The following IQCM variants were observed in gnomAD, a reference collection of about 807,000 sequenced individuals.
IQCM encodes the protein IQ domain-containing protein M.
IQCM carries 45 observed loss-of-function variants against 57.6 expected under a neutral mutation model. That is an observed-to-expected ratio of 0.78 (90% CI 0.62 to 1.00). The LOEUF is 1.00. Ranked by LOEUF, IQCM falls within the 50% of genes least tolerant of loss-of-function variation. The probability of loss-of-function intolerance (pLI) is 0.00; values close to 1 mark genes in which losing one functional copy is unlikely to be tolerated. For synonymous variants in IQCM, 148 were observed against 158.9 expected (o/e 0.93, Z 0.51); for missense variants, 468 against 511.6 (o/e 0.91, Z 0.82).
chr4:149,441,933 C>T (rs181477388), intron 12 of IQCM, among the ~76,000 whole-genome samples: 1 of 152,198 alleles, frequency 6.6e-6, no homozygotes, highest in East Asian at 1.9e-4. Flanking sequence ...TGTGCCTTTG[C>T]ACTTCTACCT....
intron 2 of IQCM, among the ~76,000 whole-genome samples, chr4:149,777,093 A>G (rs1771161241): frequency 6.6e-6 from 1 of 152,154 alleles, no homozygotes; most frequent in Admixed American, 6.5e-5. Context: ...AAATTTCTCC[A>G]AATTCCAAAG....
chr4:149,491,431 C>A (rs1742083264), intron 12 of IQCM, among the ~76,000 whole-genome samples: 1 of 152,026 alleles, frequency 6.6e-6, no homozygotes, highest in Admixed American at 6.6e-5. Context: ...CAACCCTCAG[C>A]CCCTGGTAAA....
At chr4:149,395,645 A>G (rs1418931917) in intron 13 of IQCM, among the ~76,000 whole-genome samples, 1 of 152,034 alleles carries the variant, frequency 6.6e-6, no homozygotes, top group African/African-American at 2.4e-5. Context: ...TGCCAAAGAA[A>G]AAGAATGAAT....
intron 12 of IQCM, among the ~76,000 whole-genome samples, chr4:149,485,917 A>T (rs147093062): frequency 2.0e-5 from 3 of 152,046 alleles, no homozygotes; most frequent in Non-Finnish European, 4.4e-5. Context: ...TACTCATAGA[A>T]GTATCACCTT....
At chr4:149,381,688 T>C (rs569704844) in intron 13 of IQCM, among the ~76,000 whole-genome samples, 3 of 152,170 alleles carry the variant, frequency 2.0e-5, no homozygotes, top group African/African-American at 7.2e-5. Context: ...ACCCCTAGGA[T>C]GCCCTATCCC....
chr4:149,381,672 T>C (rs1291666654), intron 13 of IQCM, among the ~76,000 whole-genome samples: 1 of 152,116 alleles, frequency 6.6e-6, no homozygotes, highest in Non-Finnish European at 1.5e-5. Context: ...AACTAAAGTA[T>C]CACCTACCCC....
intron 12 of IQCM, among the ~76,000 whole-genome samples, chr4:149,486,041 C>A (rs888498944): frequency 7.3e-5 from 11 of 151,260 alleles, no homozygotes; most frequent in Non-Finnish European, 7.4e-5. Context: ...CTCTCTCTCT[C>A]TCTCTCTCTC....
intron 12 of IQCM, among the ~76,000 whole-genome samples, chr4:149,481,316 A>C (rs1002342997): frequency 6.6e-6 from 1 of 152,092 alleles, no homozygotes; most frequent in African/African-American, 2.4e-5. Context: ...GTATTACTCA[A>C]TAACTTTTTG....
At chr4:149,436,023 C>T (rs1252145152) in intron 12 of IQCM, among the ~76,000 whole-genome samples, 1 of 151,978 alleles carries the variant, frequency 6.6e-6, no homozygotes, top group African/African-American at 2.4e-5. Flanking sequence ...GTTAGTGTCG[C>T]CTAAGTGTTC....
chr4:149,541,012 C>T (rs996493906), intron 12 of IQCM, among the ~76,000 whole-genome samples: 3 of 152,044 alleles, frequency 2.0e-5, no homozygotes, highest in Non-Finnish European at 4.4e-5. Context: ...ATCTAAAGTC[C>T]TCTATTTTTA....
At chr4:149,591,536 T>C (rs548666492) in intron 8 of IQCM, among the ~76,000 whole-genome samples, 1 of 152,156 alleles carries the variant, frequency 6.6e-6, no homozygotes, top group South Asian at 2.1e-4. Flanking sequence ...TGTGCCATAA[T>C]GGTGTGCTGC....
At chr4:149,764,183 C>T (rs1396597413) in intron 2 of IQCM, among the ~76,000 whole-genome samples, 1 of 152,072 alleles carries the variant, frequency 6.6e-6, no homozygotes, top group Non-Finnish European at 1.5e-5. Flanking sequence ...GTCCGTCTAA[C>T]CTTGTCTTAT....
At position 149,684,251 on chromosome 4, in the gene IQCM, T is replaced by C. The variant is rs143751879; in HGVS notation, c.477-2045A>G. Among the ~76,000 whole-genome samples the C allele has an allele frequency of 3.3e-5, 5 of 151,434 alleles. No homozygotes were observed. In the East Asian group the frequency reaches 5.8e-4, roughly 18 times the overall value. On this transcript the variant is annotated intron_variant, in intron 6 of 13. Coordinates refer to ENST00000636793, the MANE Select transcript of IQCM (RefSeq NM_001363507.2). Reference sequence around the variant, plus strand: ...AACTTATATTGAAATTGTAACAGTATTCAATTGTGTTTTCCCACCACAGGT... The same window carrying C: ...AACTTATATTGAAATTGTAACAGTACTCAATTGTGTTTTCCCACCACAGGT...
intron 5 of IQCM, among the ~76,000 whole-genome samples, chr4:149,712,372 C>G (rs1028378078): frequency 1.3e-5 from 2 of 150,494 alleles, no homozygotes; most frequent in African/African-American, 5.0e-5. Flanking sequence ...ACACACACAA[C>G]ACACATACAC....
chr4:149,711,989 A>C (rs899270879), intron 5 of IQCM, among the ~76,000 whole-genome samples: 2 of 152,176 alleles, frequency 1.3e-5, no homozygotes, highest in East Asian at 1.9e-4. Context: ...AGTGTCTCTA[A>C]AATAATGTTT....
intron 2 of IQCM, among the ~76,000 whole-genome samples, chr4:149,761,991 G>T (rs11099741): frequency 7.9e-5 from 12 of 151,848 alleles, no homozygotes; most frequent in Non-Finnish European, 1.8e-4. Flanking sequence ...ATTAATGTAG[G>T]TGTTACTGTA....
At chr4:149,401,740 A>G (rs917534977) in intron 13 of IQCM, among the ~76,000 whole-genome samples, 1 of 151,814 alleles carries the variant, frequency 6.6e-6, no homozygotes, top group African/African-American at 2.4e-5. Flanking sequence ...AAGAAAGTAT[A>G]ATAATTTTAG....
At chr4:149,607,485 A>G (rs895841820) in intron 8 of IQCM, among the ~76,000 whole-genome samples, 1 of 152,248 alleles carries the variant, frequency 6.6e-6, no homozygotes, top group Middle Eastern at 3.4e-3. Flanking sequence ...ACACAAACAC[A>G]GAATACTCTA....
chr4:149,545,943 T>A (rs1248316295), intron 12 of IQCM, among the ~76,000 whole-genome samples: 1 of 152,178 alleles, frequency 6.6e-6, no homozygotes, highest in African/African-American at 2.4e-5. Context: ...ACATTAGGTA[T>A]ATCTCCTAAT....
Sources: gnomAD v4.1 joint callset for allele counts (sites outside exome capture counted in the v4.1 genomes callset) on GRCh38, gnomAD v4.1.1 for gene constraint, MANE v1.5 for transcripts, NCBI Gene and HGNC (gene_info 2026-07-23, HGNC 2026-07-21) for gene names.